The following RMDN1 variants were observed in gnomAD, a reference collection of about 807,000 sequenced individuals.
RMDN1 encodes regulator of microtubule dynamics 1.
A neutral mutation model predicts 48.9 loss-of-function variants in RMDN1; 48 were observed. The observed-to-expected ratio is 0.98, with a 90% CI of 0.78 to 1.25. RMDN1 has a LOEUF of 1.25. Among genes scored for constraint, RMDN1 ranks in the 50% most tolerant of loss-of-function variants. RMDN1 has a pLI of 0.00. For missense variants in RMDN1, 418 were observed against 373.4 expected (o/e 1.12, Z -0.98); for synonymous variants, 148 against 132.6 (o/e 1.12, Z -0.80).
upstream of RMDN1, among the ~76,000 whole-genome samples, chr8:86,510,194 T>C (rs1176694341): frequency 6.6e-6 from 1 of 152,228 alleles, no homozygotes; most frequent in Non-Finnish European, 1.5e-5. Context: ...TTTTCTGTTG[T>C]AAGGCCTTTT....
intron 1 of RMDN1, among the ~76,000 whole-genome samples, chr8:86,507,563 C>T (rs912655291): frequency 6.6e-6 from 1 of 152,118 alleles, no homozygotes; most frequent in Non-Finnish European, 1.5e-5. Context: ...TGGTTTCAAA[C>T]CCCTGGACTC....
At chr8:86,503,832 A>G (rs776437479) in intron 2 of RMDN1, 6 of 566,756 alleles carry the variant, frequency 1.1e-5, no homozygotes, top group Non-Finnish European at 1.7e-5. Flanking sequence ...CTCTTTATCA[A>G]CCACTTTTTG....
At position 86,482,818 on chromosome 8, in the gene RMDN1, C is replaced by A. The variant is rs886943322; in HGVS notation, c.585+2054G>T. The A allele has an allele frequency of 6.8e-6, 7 of 1,034,440 alleles. No individual in the cohort carries two copies. In the African/African-American group the frequency reaches 1.1e-4, roughly 16 times the overall value. 64.1% of individuals were successfully genotyped at this position (1,034,440 alleles called of 1,614,324 possible). A position where few individuals can be genotyped will look rare whatever the true frequency, so the allele number is the denominator to read the frequency against. ...ATCAGAACCCAAAATGGAGACGGAG[C>A]CATCCTTTGGGGAGGTCACTGCGAG... On this transcript the variant is annotated intron_variant, in intron 5 of 9. Coordinates refer to ENST00000406452, the MANE Select transcript of RMDN1 (RefSeq NM_016033.3).
At chr8:86,510,481 T>C (rs1396562169), upstream of RMDN1, among the ~76,000 whole-genome samples, 1 of 152,220 alleles carries the variant, frequency 6.6e-6, no homozygotes, top group Non-Finnish European at 1.5e-5. Context: ...TTAGTATTTT[T>C]TAAATGTATA....
At position 86,490,757 on chromosome 8, in the gene RMDN1, A is replaced by C. The variant is rs1366145702; in HGVS notation, c.248-2118T>G. On this transcript the variant is annotated intron_variant, in intron 2 of 9. Transcript: ENST00000406452. The stretch of plus-strand genomic sequence containing the variant: ...CATAGTATGTATAAGTAAAAAAGTT[A>C]CTTTTAAATATATTCATTGATTATT... Among the ~76,000 whole-genome samples, 3 of 152,206 alleles carry C rather than the reference A, an allele frequency of 2.0e-5. No homozygotes were observed. The East Asian group carries it at 5.8e-4, about 29-fold the overall frequency.
At chr8:86,498,755 T>C (rs1817767538) in intron 2 of RMDN1, among the ~76,000 whole-genome samples, 1 of 152,118 alleles carries the variant, frequency 6.6e-6, no homozygotes, top group African/African-American at 2.4e-5. Context: ...CACTCCAGCA[T>C]GGGTGACAGA....
chr8:86,511,687 G>A (rs1204609476), upstream of RMDN1, among the ~76,000 whole-genome samples: 1 of 151,900 alleles, frequency 6.6e-6, no homozygotes, highest in Non-Finnish European at 1.5e-5. Flanking sequence ...GCTCGTGCCT[G>A]TAGGTCCCAG....
chr8:86,471,837 G>A (rs955240735), downstream of RMDN1, among the ~76,000 whole-genome samples: 1 of 152,208 alleles, frequency 6.6e-6, no homozygotes, highest in African/African-American at 2.4e-5. Flanking sequence ...TGGAATGCGA[G>A]AGAATCTATG....
chr8:86,469,751 G>A (rs76571611), downstream of RMDN1, among the ~76,000 whole-genome samples: 3,030 of 152,296 alleles, frequency 0.02, 43 homozygotes, highest in Non-Finnish European at 0.031. Context: ...TAAAAGCCAA[G>A]CTTTAGGTCA....
Position 86,473,330 on chromosome 8 carries a change from C to T in RMDN1, c.*978G>A, listed in dbSNP as rs757964640. ...TTTTGCAGTGGTGGCACTCCAGCCT[C>T]AAGTGAGTAGCATAGTCCTGCCTAT... is the stretch of plus-strand genomic sequence containing the variant. On this transcript the variant is annotated 3_prime_UTR_variant, in exon 10 of 10. Transcript: ENST00000406452. The T allele has an allele frequency of 4.0e-4, 390 of 985,304 alleles. No individual in the cohort carries two copies. The highest frequency in any genetic ancestry group is 1.8e-3 in the Admixed American group (29 of 16,266). The allele number at this position is 985,304 out of a possible 1,614,324, so 61.0% of individuals were successfully genotyped here.
chr8:86,503,377 A>AAAAAAC (rs1818664196), intron 2 of RMDN1, among the ~76,000 whole-genome samples: 1 of 113,440 alleles, frequency 8.8e-6, no homozygotes, highest in African/African-American at 5.0e-5. Context: ...AAAACAAAAA[A>AAAAAAC]AAAAAAAAAA....
At chr8:86,507,833 G>C (rs890031662) in intron 1 of RMDN1, among the ~76,000 whole-genome samples, 2 of 152,154 alleles carry the variant, frequency 1.3e-5, no homozygotes, top group African/African-American at 2.4e-5. Context: ...AATTCTGAAA[G>C]ATTTTAACTG....
In RMDN1 at chr8:86,473,206, T is replaced by C. The variant is rs764979978; in HGVS notation, c.*1102A>G. 3.7e-4 allele frequency: 366 copies of C among 980,056 alleles called. No homozygotes were observed. The highest frequency in any genetic ancestry group is 9.9e-4 in the Admixed American group (16 of 16,160). 60.7% of individuals were successfully genotyped at this position (980,056 alleles called of 1,614,324 possible). A position where few individuals can be genotyped will look rare whatever the true frequency, so the allele number is the denominator to read the frequency against. The stretch of plus-strand genomic sequence containing the variant: ...CATATCCATACAGTTCATTGTAACA[T>C]TACAATTCCCAAATCCTTTGGGAAA... On this transcript the variant is annotated 3_prime_UTR_variant, in exon 10 of 10. Coordinates refer to ENST00000406452, the MANE Select transcript of RMDN1 (RefSeq NM_016033.3).
At position 86,472,369 on chromosome 8, in the gene RMDN1, T is replaced by G; in HGVS notation, c.*1939A>C. 2.9e-6 allele frequency: 2 copies of G among 700,456 alleles called. No individual in the cohort carries two copies. Among genetic ancestry groups the G allele is most frequent in the Non-Finnish European group, 5.2e-6 (2 of 384,330 alleles). 43.4% of individuals were successfully genotyped at this position (700,456 alleles called of 1,614,324 possible). A position where few individuals can be genotyped will look rare whatever the true frequency, so the allele number is the denominator to read the frequency against. On this transcript the variant is annotated 3_prime_UTR_variant, in exon 10 of 10. Coordinates refer to ENST00000406452, the MANE Select transcript of RMDN1 (RefSeq NM_016033.3). ...CAAAATGCAGGTGCACAACACAGTTTATTCGGTCTCCCTAAAGGAAAAAAC... is the reference window on the plus strand; with the variant it reads ...CAAAATGCAGGTGCACAACACAGTTGATTCGGTCTCCCTAAAGGAAAAAAC...
Position 86,486,527 on chromosome 8 carries a change from T to C in RMDN1, c.452A>G (p.Lys151Arg), listed in dbSNP as rs891287783. The change falls in exon 4 of 10, where the codon AAA becomes AGA. Residue 151 changes from lysine to arginine, a missense_variant. Physicochemically the swap from Lys to Arg is conservative, Grantham distance 26 (BLOSUM62 2). Coordinates refer to ENST00000406452, the MANE Select transcript of RMDN1 (RefSeq NM_016033.3). Reference sequence around the variant, plus strand: ...TGATTCATTTTTTTCTAGTGCTCTTTTTGCATACTCTAGGGCTTCATACAC... The same window carrying C: ...TGATTCATTTTTTTCTAGTGCTCTTCTTGCATACTCTAGGGCTTCATACAC... The part of the protein sequence containing the change: ...LLVYEALEYA[K>R]RALEKNESSF... 5 of 1,602,778 alleles carry C rather than the reference T, an allele frequency of 3.1e-6. No homozygotes were observed. The African/African-American group carries it at 5.3e-5, about 17-fold the overall frequency.
intron 5 of RMDN1, among the ~76,000 whole-genome samples, chr8:86,480,558 TAGTA>T (rs1028274230): frequency 6.6e-5 from 10 of 152,120 alleles, no homozygotes; most frequent in African/African-American, 9.6e-5. Context: ...CAGACATTTA[TAGTA>T]AGTGTCTATC....
At position 86,505,377 on chromosome 8, in the gene RMDN1, G is replaced by A. The variant is rs114452116; in HGVS notation, c.247+1618C>T. 976 of 456,818 alleles carry A rather than the reference G, an allele frequency of 2.1e-3. 6 individuals are homozygous for A. Among genetic ancestry groups the A allele is most frequent in the African/African-American group, 0.016 (807 of 50,152 alleles). The allele number at this position is 456,818 out of a possible 1,614,324, so 28.3% of individuals were successfully genotyped here. On this transcript the variant is annotated intron_variant, in intron 2 of 9. Transcript: ENST00000406452. ...TCCTTCCTTGGGTTCTAATATTGCC[G>A]CACTAGGGGATATAGGAGAGGAAAA...
chr8:86,484,446 A>G (rs771326011), intron 5 of RMDN1, among the ~76,000 whole-genome samples: 1 of 152,160 alleles, frequency 6.6e-6, no homozygotes, highest in Non-Finnish European at 1.5e-5. Flanking sequence ...GGCTGGGCAC[A>G]GTGGCTCACA....
intron 2 of RMDN1, chr8:86,504,104 T>A (rs545894787): frequency 1.8e-6 from 2 of 1,081,430 alleles, no homozygotes; most frequent in African/African-American, 3.1e-5. Context: ...GGTCTGGAAT[T>A]CAAATTCATC....
Sources: allele counts gnomAD v4.1 joint callset (sites outside exome capture counted in the v4.1 genomes callset), GRCh38; gene constraint gnomAD v4.1.1; transcripts MANE v1.5; gene names NCBI Gene and HGNC (gene_info 2026-07-23, HGNC 2026-07-21).